The following SPDL1 variants were observed in gnomAD, a reference collection of about 807,000 sequenced individuals.
SPDL1 encodes the protein spindle apparatus coiled-coil protein 1.
Under a neutral mutation model 79.5 loss-of-function variants are expected in SPDL1, and 85 were observed. That is an observed-to-expected ratio of 1.07 (90% CI 0.90 to 1.28). The LOEUF is 1.28. Among genes scored for constraint, SPDL1 ranks in the 50% most tolerant of loss-of-function variants. SPDL1 has a pLI of 0.00. For synonymous variants in SPDL1, 269 were observed against 240.3 expected, an observed-to-expected ratio of 1.12 and a Z score of -1.10; for missense variants, 703 against 697.8, an observed-to-expected ratio of 1.01 and a Z score of -0.08.
chr5:169,588,363 G>A, intron 1 of SPDL1, 31 bp from the exon 2 acceptor site: 2 of 1,482,002 alleles, frequency 1.3e-6, no homozygotes, highest in South Asian at 2.6e-5. Flanking sequence ...TTTTGTATAA[G>A]CTTAAGTAGT....
rs759476608 is a variant in SPDL1 at position 169,591,028 on chromosome 5, G to A, written c.160-20G>A. On this transcript the variant is annotated intron_variant, in intron 2 of 11. Transcript: ENST00000265295. The stretch of plus-strand genomic sequence containing the variant: ...TAGGCTATTTTTATGTAATTGAATT[G>A]TAATTGAATCTGTTTTCAGAGTTAT... 1.3e-6 allele frequency: 2 copies of A among 1,589,920 alleles called. No homozygotes were observed. The highest frequency in any genetic ancestry group is 1.7e-6 in the Non-Finnish European group (2 of 1,163,518).
At chr5:169,596,729 A>G (rs767438458) in intron 8 of SPDL1, 28 bp downstream of exon 8, 98 of 1,527,152 alleles carry the variant, frequency 6.4e-5, no homozygotes, top group Admixed American at 9.9e-5. Context: ...AAAAACACAC[A>G]TCCAAATTTT....
chr5:169,598,110 G>T (rs371719645), intron 8 of SPDL1, among the ~76,000 whole-genome samples: 1 of 152,240 alleles, frequency 6.6e-6, no homozygotes, highest in South Asian at 2.1e-4. Context: ...TATTTTTCCA[G>T]TTTATGGTTT....
chr5:169,600,397 A>G (rs993019382), intron 10 of SPDL1, among the ~76,000 whole-genome samples: 1 of 152,198 alleles, frequency 6.6e-6, no homozygotes, highest in Non-Finnish European at 1.5e-5. Context: ...CAGCAAATAG[A>G]CAGGAGGCAG....
chr5:169,597,896 T>C (rs544257546), intron 8 of SPDL1, among the ~76,000 whole-genome samples: 1 of 152,336 alleles, frequency 6.6e-6, no homozygotes, highest in Admixed American at 6.5e-5. Flanking sequence ...CTGAAAATTA[T>C]GGCCTTAAAT....
intron 3 of SPDL1, among the ~76,000 whole-genome samples, chr5:169,591,908 A>G (rs1755305715): frequency 6.6e-6 from 1 of 152,234 alleles, no homozygotes; most frequent in African/African-American, 2.4e-5. Context: ...ATGATTGGTC[A>G]GTGGTTTTCC....
At chr5:169,598,851 TA>T in intron 9 of SPDL1, 120 bp from the exon 10 acceptor site, 2 of 1,328,780 alleles carry the variant, frequency 1.5e-6, no homozygotes, top group Non-Finnish European at 2.0e-6. Context: ...TCTTTGTTAC[TA>T]AAAACCCCAG....
At chr5:169,597,772 C>T (rs747596370) in intron 8 of SPDL1, among the ~76,000 whole-genome samples, 21 of 152,076 alleles carry the variant, frequency 1.4e-4, no homozygotes, top group Admixed American at 7.2e-4. Context: ...GTCATAAAAT[C>T]TTAATTAAGT....
rs147349508 is a variant in SPDL1, at chr5:169,593,209, G to A, written c.337-145G>A. 974 of 650,344 alleles carry A rather than the reference G, an allele frequency of 1.5e-3. 11 individuals carry two copies. The highest frequency in any genetic ancestry group is 7.0e-3 in the South Asian group (313 of 44,964). 40.3% of individuals were successfully genotyped at this position (650,344 alleles called of 1,614,324 possible). On this transcript the variant is annotated intron_variant, in intron 3 of 11. Transcript: ENST00000265295. ...GTTTATTAAACAAGGTGTGTCACTA[G>A]CTGTTAAAAGATGCCTAACCTTGGG...
At position 169,601,453 on chromosome 5, in the gene SPDL1, C is replaced by A. The variant is rs763493563; in HGVS notation, c.1498C>A (p.Gln500Lys). 3.6e-5 allele frequency: 58 copies of A among 1,614,000 alleles called. No individual in the cohort carries two copies. Among genetic ancestry groups the A allele is most frequent in the Non-Finnish European group, 4.2e-5 (50 of 1,180,012 alleles). The part of the protein sequence containing the change: ...CPNSLEDNNL[Q>K]LEKSVSIYTP... ...TAACAGTTTAGAAGATAACAACTTG[C>A]AATTAGAAAAATCAGTTTCTATATA... The change falls in exon 11 of 12, where the codon CAA becomes AAA. Residue 500 changes from glutamine to lysine, a missense_variant. Physicochemically the swap from Gln to Lys is moderately conservative, Grantham distance 53. Coordinates refer to ENST00000265295, the MANE Select transcript of SPDL1 (RefSeq NM_017785.5).
rs146937775 is a variant in SPDL1 at position 169,599,214 on chromosome 5, A to G, written c.1324+55A>G. On this transcript the variant is annotated intron_variant, in intron 10 of 11. Transcript: ENST00000265295. ...TAAATTATGAGTAACCTGAAATTATATCAAATTATTTTCTTACTGTAGTTT... is the reference window on the plus strand; with the variant it reads ...TAAATTATGAGTAACCTGAAATTATGTCAAATTATTTTCTTACTGTAGTTT... 45 of 1,159,584 alleles carry G rather than the reference A, an allele frequency of 3.9e-5. No homozygotes were observed. In the East Asian group the frequency reaches 9.3e-4, roughly 24 times the overall value. The allele number at this position is 1,159,584 out of a possible 1,614,324, so 71.8% of individuals were successfully genotyped here. A position where few individuals can be genotyped will look rare whatever the true frequency, so the allele number is the denominator to read the frequency against.
Position 169,594,309 on chromosome 5 carries a change from G to C in SPDL1, c.681+15G>C, listed in dbSNP as rs778327181. On this transcript the variant is annotated intron_variant, in intron 5 of 11. Transcript: ENST00000265295. The stretch of plus-strand genomic sequence containing the variant: ...ATGCCCTAGAGGTACTATGATTACA[G>C]TAACATCATGTTTTCCAATTTATCA... The C allele has an allele frequency of 6.2e-7, 1 of 1,612,796 alleles. No individual in the cohort carries two copies. The highest frequency in any genetic ancestry group is 2.2e-5 in the East Asian group (1 of 44,868).
At position 169,601,110 on chromosome 5, in the gene SPDL1, T is replaced by G. The variant is rs536366006; in HGVS notation, c.1325-170T>G. Among the ~76,000 whole-genome samples, 31 of 152,282 alleles carry G rather than the reference T, an allele frequency of 2.0e-4. 1 individual carries two copies. Among genetic ancestry groups the G allele is most frequent in the South Asian group, 1.2e-3 (6 of 4,820 alleles). On this transcript the variant is annotated intron_variant, in intron 10 of 11. Transcript: ENST00000265295. ...CTTTAAAATATATAGTTTATATAGA[T>G]TCCATGATAAAGAATAAAAGGTAGA... is the stretch of plus-strand genomic sequence containing the variant.
chr5:169,594,411 TC>T lies in SPDL1; in HGVS notation c.700del (p.Gln234LysfsTer42). The T allele has an allele frequency of 6.2e-7, 1 of 1,614,112 alleles. No individual in the cohort carries two copies. The highest frequency in any genetic ancestry group is 2.2e-5 in the East Asian group (1 of 44,878). ...GAATTTAGAAAGCTCGTGTAGCAAATCAAGATCTTCAGGTACAGTTGGACCA... is the reference window on the plus strand; with the variant it reads ...GAATTTAGAAAGCTCGTGTAGCAAATAAGATCTTCAGGTACAGTTGGACCA... ...NALEKARVAN[Q>X]DLQVQLDQAL... On this transcript the variant is annotated frameshift_variant, in exon 6 of 12. Coordinates refer to ENST00000265295, the MANE Select transcript of SPDL1 (RefSeq NM_017785.5). LOFTEE classifies it high-confidence loss of function.
chr5:169,594,616 A>G lies in SPDL1; in HGVS notation c.826A>G (p.Lys276Glu). 6.2e-7 allele frequency: 1 copy of G among 1,614,036 alleles called. No homozygotes were observed. ...AAMERQLISM[K>E]VKYQSLKKQN... ...AATGGAACGTCAGCTCATCAGTATGAAAGTCAAGTATCAGTCACTAAAGAA... is the reference window on the plus strand; with the variant it reads ...AATGGAACGTCAGCTCATCAGTATGGAAGTCAAGTATCAGTCACTAAAGAA... The change falls in exon 7 of 12, where the codon AAA (lysine) becomes GAA (glutamate). Residue 276 changes from lysine to glutamate, a missense_variant. Physicochemically the swap from Lys to Glu is moderately conservative, Grantham distance 56. Transcript: ENST00000265295.
intron 11 of SPDL1, 30 bp from the exon 12 acceptor site, chr5:169,604,030 A>G: frequency 6.3e-7 from 1 of 1,586,912 alleles, no homozygotes; most frequent in Non-Finnish European, 8.5e-7. Context: ...ACCACATTTG[A>G]ATTCAGAGTG....
rs546769839 is a variant in SPDL1 at position 169,598,543 on chromosome 5, A to T, written c.1100A>T (p.Tyr367Phe). The change falls in exon 9 of 12, where the codon TAT (tyrosine) becomes TTT (phenylalanine). Residue 367 changes from tyrosine (Y) to phenylalanine (F), a missense_variant. Transcript: ENST00000265295. ...DSGTLEDNTY[Y>F]TDLLQMKLDN... The stretch of plus-strand genomic sequence containing the variant: ...GGTACTCTGGAAGATAACACCTATT[A>T]TACAGATTTACTTCAGATGAAGCTG... 1 of 1,612,792 alleles carries T rather than the reference A, an allele frequency of 6.2e-7. No individual in the cohort carries two copies. Among genetic ancestry groups the T allele is most frequent in the East Asian group, 2.2e-5 (1 of 44,788 alleles).
In SPDL1 at chr5:169,588,676, A is replaced by AT. The variant is rs1755114920; in HGVS notation, c.159+105dup. 14 of 1,120,094 alleles carry AT rather than the reference A, an allele frequency of 1.2e-5. No individual in the cohort carries two copies. In the South Asian group the frequency reaches 2.9e-4, roughly 23 times the overall value. The allele number at this position is 1,120,094 out of a possible 1,614,324, so 69.4% of individuals were successfully genotyped here. A position where few individuals can be genotyped will look rare whatever the true frequency, so the allele number is the denominator to read the frequency against. On this transcript the variant is annotated intron_variant, in intron 2 of 11. Transcript: ENST00000265295. The stretch of plus-strand genomic sequence containing the variant: ...AGTAGTAGTTTATTCTTTTCTGAAG[A>AT]TTTTAGATCTAGTTCCCGCCCTGCC...
At chr5:169,597,232 T>TTGTGTG (rs56336716) in intron 8 of SPDL1, among the ~76,000 whole-genome samples, 20 of 149,306 alleles carry the variant, frequency 1.3e-4, no homozygotes, top group South Asian at 6.4e-4. Flanking sequence ...GTGTAAGCAT[T>TTGTGTG]TGTGTGTGTG....
Sources: gnomAD v4.1 joint callset for allele counts (sites outside exome capture counted in the v4.1 genomes callset) on GRCh38, gnomAD v4.1.1 for gene constraint, MANE v1.5 for transcripts, NCBI Gene and HGNC (gene_info 2026-07-23, HGNC 2026-07-21) for gene names.